The following KCNJ4 variants were observed in gnomAD, a reference collection of about 807,000 sequenced individuals.
KCNJ4 encodes potassium inwardly rectifying channel subfamily J member 4, also known as inward rectifier potassium channel 4.
A neutral mutation model predicts 25.6 loss-of-function variants in KCNJ4; 3 were observed. That is an observed-to-expected ratio of 0.12 (90% CI 0.05 to 0.30). The LOEUF (loss-of-function observed/expected upper bound fraction) is 0.30, where lower values mean the gene tolerates loss of function less well. KCNJ4 is among the 10% of genes least tolerant of loss of function. The pLI is 1.00. For missense variants in KCNJ4, 286 were observed against 666.8 expected (o/e 0.43, Z 6.29); for synonymous variants, 257 against 283.9 (o/e 0.91, Z 0.95).
Position 38,427,032 on chromosome 22 carries a change from A to G in KCNJ4, c.1101T>C (p.Pro367=). The G allele has an allele frequency of 6.3e-7, 1 of 1,595,206 alleles. No individual in the cohort carries two copies. Among genetic ancestry groups the G allele is most frequent in the Admixed American group, 1.7e-5 (1 of 59,754 alleles). Residue 367 remains proline (P), a synonymous_variant, in exon 2 of 2, where the codon CCT becomes CCC. Transcript: ENST00000303592. ...CGTTCTCGTAGCAGAAGGCACTGGG[A>G]GGGGGCGGTGGGGCGGGCAGCACGG... ...KITVLPAPPP[P]PSAFCYENEL... is the part of the protein sequence containing the mutation.
At chr22:38,429,709 C>G (rs1436414754) in intron 1 of KCNJ4, among the ~76,000 whole-genome samples, 1 of 152,204 alleles carries the variant, frequency 6.6e-6, no homozygotes, top group East Asian at 1.9e-4. Context: ...GAGGACAGAC[C>G]TTCTCTCCAC....
chr22:38,433,759 G>A (rs752346603), intron 1 of KCNJ4, among the ~76,000 whole-genome samples: 1 of 152,218 alleles, frequency 6.6e-6, no homozygotes, highest in African/African-American at 2.4e-5. Flanking sequence ...AGCTGTGGAA[G>A]GAAGCTCAGG....
intron 1 of KCNJ4, among the ~76,000 whole-genome samples, chr22:38,445,972 C>T (rs1289717464): frequency 6.6e-6 from 1 of 152,206 alleles, no homozygotes; most frequent in East Asian, 1.9e-4. Context: ...TTAGACCCCC[C>T]AGCTCACAGG....
intron 1 of KCNJ4, among the ~76,000 whole-genome samples, chr22:38,446,954 C>CAAAAAAAAAAAAAAAAAAA (rs11294836): frequency 7.5e-6 from 1 of 133,904 alleles, no homozygotes; most frequent in African/African-American, 2.8e-5. Context: ...GACTCCATCT[C>CAAAAAAAAAAAAAAAAAAA]AAAAAAAAAA....
chr22:38,428,907 G>C (rs1382084185), intron 1 of KCNJ4, among the ~76,000 whole-genome samples: 1 of 151,748 alleles, frequency 6.6e-6, no homozygotes, highest in Non-Finnish European at 1.5e-5. Flanking sequence ...AACAGAGTGA[G>C]ACCCCATCTC....
At chr22:38,429,267 C>A (rs1335994197) in intron 1 of KCNJ4, among the ~76,000 whole-genome samples, 1 of 152,090 alleles carries the variant, frequency 6.6e-6, no homozygotes, top group African/African-American at 2.4e-5. Context: ...ATGTGACAGT[C>A]AGGGTGGAGG....
At chr22:38,446,267 A>G (rs1027356564) in intron 1 of KCNJ4, among the ~76,000 whole-genome samples, 3 of 152,218 alleles carry the variant, frequency 2.0e-5, no homozygotes, top group Admixed American at 2.0e-4. Flanking sequence ...GAGCCGGGAC[A>G]GCTCTGGCAA....
intron 1 of KCNJ4, among the ~76,000 whole-genome samples, chr22:38,442,422 C>CG (rs1219765026): frequency 6.6e-6 from 1 of 151,468 alleles, no homozygotes; most frequent in African/African-American, 2.4e-5. Flanking sequence ...TGGCGGGCAC[C>CG]TGTAGTCCCA....
rs1220460609 is a variant in KCNJ4, at chr22:38,427,428, C to A, written c.705G>T (p.Leu235=). ...KPYMTQEGEY[L]PLDQRDLNVG... is the part of the protein sequence containing the mutation. ...CGTTGAGGTCCCGCTGGTCCAGGGG[C>A]AGGTACTCGCCCTCCTGGGTCATGT... The change falls in exon 2 of 2, where the codon CTG becomes CTT. Residue 235 remains leucine (L), a synonymous_variant. Transcript: ENST00000303592. 6.2e-7 allele frequency: 1 copy of A among 1,613,810 alleles called. No individual in the cohort carries two copies. Among genetic ancestry groups the A allele is most frequent in the East Asian group, 2.2e-5 (1 of 44,868 alleles).
At chr22:38,434,284 A>C (rs558657172) in intron 1 of KCNJ4, among the ~76,000 whole-genome samples, 14 of 152,306 alleles carry the variant, frequency 9.2e-5, no homozygotes, top group African/African-American at 3.1e-4. Context: ...GCCTGAGGTC[A>C]CAGAGCTCAG....
chr22:38,451,035 A>C (rs2089407550), intron 1 of KCNJ4, among the ~76,000 whole-genome samples: 1 of 152,168 alleles, frequency 6.6e-6, no homozygotes, highest in South Asian at 2.1e-4. Flanking sequence ...TGGCCCTTCC[A>C]TCTATAACAC....
chr22:38,441,719 G>A (rs1173060026), intron 1 of KCNJ4, among the ~76,000 whole-genome samples: 1 of 152,220 alleles, frequency 6.6e-6, no homozygotes, highest in Non-Finnish European at 1.5e-5. Flanking sequence ...CACTTATCCA[G>A]TGGAGGCCAC....
chr22:38,426,760 C>T lies in KCNJ4; in HGVS notation c.*35G>A. ...CCTGGCATCCCACCCCCGGCAGAGG[C>T]TCTTGTGGGCAGTGGTGAGGGCCGG... On this transcript the variant is annotated 3_prime_UTR_variant, in exon 2 of 2. Coordinates refer to ENST00000303592, the MANE Select transcript of KCNJ4 (RefSeq NM_152868.3). The T allele has an allele frequency of 1.3e-6, 2 of 1,570,658 alleles. No individual in the cohort carries two copies. The highest frequency in any genetic ancestry group is 1.7e-4 in the Middle Eastern group (1 of 5,734).
intron 1 of KCNJ4, among the ~76,000 whole-genome samples, chr22:38,451,883 T>C (rs1161855953): frequency 6.6e-6 from 1 of 152,208 alleles, no homozygotes; most frequent in Non-Finnish European, 1.5e-5. Flanking sequence ...AGACCAGTGA[T>C]TTAAGCTCCA....
intron 1 of KCNJ4, among the ~76,000 whole-genome samples, chr22:38,448,049 G>A (rs551892332): frequency 7.4e-6 from 1 of 134,404 alleles, no homozygotes; most frequent in East Asian, 2.1e-4. Context: ...GAGAGACACA[G>A]TGAGACTCTC....
chr22:38,436,761 G>A (rs865816569), intron 1 of KCNJ4, among the ~76,000 whole-genome samples: 1 of 152,162 alleles, frequency 6.6e-6, no homozygotes, highest in East Asian at 1.9e-4. Flanking sequence ...GATCTCAGAG[G>A]AAATTATCAT....
At chr22:38,439,568 A>G in intron 1 of KCNJ4, among the ~76,000 whole-genome samples, 1 of 151,820 alleles carries the variant, frequency 6.6e-6, no homozygotes, top group East Asian at 1.9e-4. Flanking sequence ...CGAGGTCAGG[A>G]GATTGAGTCC....
At chr22:38,437,799 T>C (rs2145939160) in intron 1 of KCNJ4, among the ~76,000 whole-genome samples, 1 of 152,180 alleles carries the variant, frequency 6.6e-6, no homozygotes, top group African/African-American at 2.4e-5. Context: ...TTTGTGGAAG[T>C]GGGGTGTAGA....
intron 1 of KCNJ4, among the ~76,000 whole-genome samples, chr22:38,452,753 C>T (rs1213523052): frequency 1.3e-5 from 2 of 151,822 alleles, no homozygotes; most frequent in South Asian, 2.1e-4. Context: ...TGCCTCCCCT[C>T]CCTCCCCTCA....
Sources: allele counts gnomAD v4.1 joint callset (sites outside exome capture counted in the v4.1 genomes callset), GRCh38; gene constraint gnomAD v4.1.1; transcripts MANE v1.5; gene names NCBI Gene and HGNC (gene_info 2026-07-23, HGNC 2026-07-21).